The following RYR3 variants were observed in gnomAD, a reference collection of about 807,000 sequenced individuals.
RYR3 encodes brain ryanodine receptor-calcium release channel.
A neutral mutation model predicts 584.3 loss-of-function variants in RYR3; 207 were observed. The ratio of observed to expected loss-of-function variants is 0.35; its 90% CI spans 0.32 to 0.40. The LOEUF (loss-of-function observed/expected upper bound fraction) is 0.40. Ranked by LOEUF, RYR3 falls within the 10% of genes least tolerant of loss-of-function variation. RYR3 has a pLI of 1.00. For synonymous variants in RYR3, 2,416 were observed against 2,248.5 expected (o/e 1.07, Z -2.11); for missense variants, 5,616 against 6,089.2 (o/e 0.92, Z 2.59).
chr15:33,392,385 T>G (rs2042059447), intron 1 of RYR3, among the ~76,000 whole-genome samples: 1 of 151,362 alleles, frequency 6.6e-6, no homozygotes, highest in Non-Finnish European at 1.5e-5. Flanking sequence ...TTGGAAGGAT[T>G]CCAGGAAGCA....
chr15:33,662,547 G>C lies in RYR3; in HGVS notation c.5017G>C (p.Val1673Leu), dbSNP rs1251528210. 6.2e-7 allele frequency: 1 copy of C among 1,613,918 alleles called. No homozygotes were observed. The highest frequency in any genetic ancestry group is 8.5e-7 in the Non-Finnish European group (1 of 1,179,910). The change falls in exon 35 of 104, where the codon GTT becomes CTT. Residue 1673 changes from valine (V) to leucine (L), a missense_variant. Physicochemically the swap from Val to Leu is conservative, Grantham distance 32 (BLOSUM62 1). Coordinates refer to ENST00000634891, the MANE Select transcript of RYR3 (RefSeq NM_001036.6). The stretch of plus-strand genomic sequence containing the variant: ...GTTCAGGTTCTCCACCCCTTGCTTT[G>C]TTGTGACTGGTGAGGATCACCAAAA... The part of the protein sequence containing the change: ...PGFRFSTPCF[V>L]VTGEDHQKQS...
intron 44 of RYR3, among the ~76,000 whole-genome samples, 195 bp downstream of exon 44, chr15:33,723,090 C>A (rs150939715): frequency 6.6e-6 from 1 of 152,260 alleles, no homozygotes; most frequent in African/African-American, 2.4e-5. Flanking sequence ...ACCTTCACCC[C>A]CTTCCATTTT....
rs2073617089 is a variant in RYR3, at chr15:33,772,079, C to T, written c.8976C>T (p.Tyr2992=). ...AAGGCGTTTCTCAGAATATTAACTA[C>T]ACTACAGTGGCTCTGCTCCCCATCC... is the stretch of plus-strand genomic sequence containing the variant. The part of the protein sequence containing the change: ...QIKGVSQNIN[Y]TTVALLPILT... The change falls in exon 63 of 104, where the codon TAC becomes TAT. Residue 2992 remains tyrosine (Y), a synonymous_variant. Transcript: ENST00000634891. 9 of 1,613,650 alleles carry T rather than the reference C, an allele frequency of 5.6e-6. No individual in the cohort carries two copies. Among genetic ancestry groups the T allele is most frequent in the Middle Eastern group, 1.6e-4 (1 of 6,084 alleles).
chr15:33,443,258 C>CAAA (rs5811759), intron 1 of RYR3, among the ~76,000 whole-genome samples: 161 of 137,106 alleles, frequency 1.2e-3, no homozygotes, highest in African/African-American at 4.1e-3. Flanking sequence ...GACTCCACCT[C>CAAA]AAAAAAAAAA....
chr15:33,812,712 C>T, intron 72 of RYR3, 151 bp from the exon 73 acceptor site: 1 of 666,130 alleles, frequency 1.5e-6, no homozygotes, highest in Non-Finnish European at 2.5e-6. Context: ...ACAGTATCTA[C>T]AGTGTTCCAG....
chr15:33,423,147 G>A (rs1479168157), intron 1 of RYR3, among the ~76,000 whole-genome samples: 1 of 152,074 alleles, frequency 6.6e-6, no homozygotes, highest in Non-Finnish European at 1.5e-5. Flanking sequence ...CAACCATTAA[G>A]CAATAACTCT....
chr15:33,449,907 C>T (rs563079275), intron 1 of RYR3, among the ~76,000 whole-genome samples: 75 of 151,908 alleles, frequency 4.9e-4, no homozygotes, highest in African/African-American at 8.9e-4. Flanking sequence ...CAAAGGCAGC[C>T]GAGGAAGTAG....
chr15:33,794,833 AG>A lies in RYR3; in HGVS notation c.9831-5934del, dbSNP rs2075495743. Among the ~76,000 whole-genome samples the A allele has an allele frequency of 7.2e-5, 11 of 152,280 alleles. 1 individual carries two copies. The South Asian group carries it at 2.3e-3, about 32-fold the overall frequency. ...TGAATTATGGAATTGTGGCCTTGGC[AG>A]GGTTGTTAGAGGTCACCTCATCTTA... On this transcript the variant is annotated intron_variant, in intron 67 of 103. Transcript: ENST00000634891.
chr15:33,525,241 A>G (rs1053385091), intron 3 of RYR3, among the ~76,000 whole-genome samples: 4 of 152,230 alleles, frequency 2.6e-5, no homozygotes, highest in Admixed American at 6.5e-5. Flanking sequence ...GCTTTGTCAT[A>G]TGCTACACTT....
At chr15:33,544,817 G>A (rs967678611) in intron 8 of RYR3, among the ~76,000 whole-genome samples, 2 of 152,146 alleles carry the variant, frequency 1.3e-5, no homozygotes, top group Non-Finnish European at 2.9e-5. Flanking sequence ...CCTATGTAAA[G>A]TGCTGTGCTT....
At chr15:33,378,017 A>C (rs1178900759) in intron 1 of RYR3, among the ~76,000 whole-genome samples, 1 of 152,144 alleles carries the variant, frequency 6.6e-6, no homozygotes, top group Non-Finnish European at 1.5e-5. Context: ...CCTAGACTCA[A>C]GTGATCCTCC....
rs756565846 is a variant in RYR3, at chr15:33,844,960, C to G, written c.13395C>G (p.Val4465=). 4 of 1,613,996 alleles carry G rather than the reference C, an allele frequency of 2.5e-6. No homozygotes were observed. The highest frequency in any genetic ancestry group is 1.7e-5 in the Admixed American group (1 of 60,026). Residue 4465 remains valine, a synonymous_variant, in exon 93 of 104, where the codon GTC becomes GTG. Coordinates refer to ENST00000634891, the MANE Select transcript of RYR3 (RefSeq NM_001036.6). ...AGGAAGAAGCGATGGTATTCTTTGT[C>G]CTTCAGGAGAGCACCGGGTATATGG... ...EEEEEAMVFF[V]LQESTGYMAP...
At chr15:33,779,307 TTTTG>T (rs1344153053) in intron 64 of RYR3, among the ~76,000 whole-genome samples, 4 of 152,008 alleles carry the variant, frequency 2.6e-5, no homozygotes, top group Non-Finnish European at 5.9e-5. Context: ...AGCCTTTTGT[TTTTG>T]TTTGTTTGCT....
At chr15:33,510,471 C>T (rs182716265) in intron 3 of RYR3, among the ~76,000 whole-genome samples, 13 of 151,130 alleles carry the variant, frequency 8.6e-5, no homozygotes, top group Non-Finnish European at 1.8e-4. Context: ...CCTCGGCTCC[C>T]ATTTATTTAG....
At chr15:33,862,455 C>T (rs981691559) in intron 102 of RYR3, among the ~76,000 whole-genome samples, 15 of 152,174 alleles carry the variant, frequency 9.9e-5, no homozygotes, top group Non-Finnish European at 1.9e-4. Context: ...TATCCACCCA[C>T]CTTGGCCTCC....
intron 3 of RYR3, among the ~76,000 whole-genome samples, chr15:33,529,578 A>C (rs1017706894): frequency 6.6e-6 from 1 of 152,158 alleles, no homozygotes; most frequent in African/African-American, 2.4e-5. Context: ...TATCTTCATA[A>C]TTAATTTTTA....
intron 48 of RYR3, among the ~76,000 whole-genome samples, chr15:33,733,060 T>C (rs2069102879): frequency 6.6e-6 from 1 of 152,300 alleles, no homozygotes; most frequent in South Asian, 2.1e-4. Flanking sequence ...ACTACACACA[T>C]ATCAGAATGG....
Position 33,823,050 on chromosome 15 carries a change from T to C in RYR3, c.11050T>C (p.Ser3684Pro). 2 of 1,613,498 alleles carry C rather than the reference T, an allele frequency of 1.2e-6. No homozygotes were observed. Among genetic ancestry groups the C allele is most frequent in the Non-Finnish European group, 1.7e-6 (2 of 1,179,636 alleles). ...GGATGCTGGATTCTTTCAAAGCCTT[T>C]CTGGTCTTATGCAGTCTTGCAGGTA... ...KKDAGFFQSL[S>P]GLMQSCSVLD... Residue 3684 changes from serine to proline, a missense_variant, in exon 81 of 104, where the codon TCT becomes CCT. Physicochemically the swap from Ser to Pro is moderately conservative, Grantham distance 74. Coordinates refer to ENST00000634891, the MANE Select transcript of RYR3 (RefSeq NM_001036.6).
At chr15:33,692,420 C>G (rs570816070) in intron 38 of RYR3, among the ~76,000 whole-genome samples, 19 of 152,132 alleles carry the variant, frequency 1.2e-4, no homozygotes, top group Non-Finnish European at 2.4e-4. Flanking sequence ...CTGAAAATGT[C>G]CCCTTCTGCC....
Sources: gnomAD v4.1 joint callset for allele counts (sites outside exome capture counted in the v4.1 genomes callset) on GRCh38, gnomAD v4.1.1 for gene constraint, MANE v1.5 for transcripts, NCBI Gene and HGNC (gene_info 2026-07-23, HGNC 2026-07-21) for gene names.